FSTL5: variants seen among roughly 807,000 people sequenced by gnomAD.
The protein encoded by FSTL5 is follistatin-related protein 5.
Under a neutral mutation model 89.1 loss-of-function variants are expected in FSTL5, and 62 were observed. That is an observed-to-expected ratio of 0.70 (90% CI 0.57 to 0.86). The LOEUF is 0.86. Ranked by LOEUF, FSTL5 falls within the 40% of genes least tolerant of loss-of-function variation. The probability of loss-of-function intolerance (pLI) is 0.00; values close to 1 mark genes in which losing one functional copy is unlikely to be tolerated. For missense variants in FSTL5, 1,057 were observed against 1,001.6 expected, an observed-to-expected ratio of 1.06 and a Z score of -0.75; for synonymous variants, 383 against 346.2, an observed-to-expected ratio of 1.11 and a Z score of -1.18.
At chr4:161,616,214 G>A (rs1049028850) in intron 7 of FSTL5, among the ~76,000 whole-genome samples, 3 of 152,032 alleles carry the variant, frequency 2.0e-5, no homozygotes, top group Non-Finnish European at 1.5e-5. Context: ...AGCCTCCCAA[G>A]TAGCTGGGAA....
chr4:161,692,641 G>A (rs1372824705), intron 6 of FSTL5, among the ~76,000 whole-genome samples: 1 of 152,138 alleles, frequency 6.6e-6, no homozygotes, highest in East Asian at 1.9e-4. Flanking sequence ...AACCCTATGA[G>A]GAGGTATCAA....
intron 6 of FSTL5, among the ~76,000 whole-genome samples, chr4:161,658,649 A>G (rs1736602127): frequency 6.6e-6 from 1 of 152,220 alleles, no homozygotes; most frequent in African/African-American, 2.4e-5. Context: ...GTTAAAAATT[A>G]TTCAATTAAT....
chr4:162,066,914 G>A (rs925232634), intron 2 of FSTL5, among the ~76,000 whole-genome samples: 1 of 152,046 alleles, frequency 6.6e-6, no homozygotes, highest in Non-Finnish European at 1.5e-5. Context: ...TGTCTTTATA[G>A]TAGAATGAAT....
chr4:162,038,777 T>C (rs994498432), intron 2 of FSTL5, among the ~76,000 whole-genome samples: 1 of 151,858 alleles, frequency 6.6e-6, no homozygotes, highest in Non-Finnish European at 1.5e-5. Flanking sequence ...CAAACATAAT[T>C]TACCTATTTC....
chr4:162,011,164 G>A (rs1316562434), intron 3 of FSTL5, among the ~76,000 whole-genome samples: 5 of 152,146 alleles, frequency 3.3e-5, no homozygotes, highest in African/African-American at 4.8e-5. Flanking sequence ...ATGCCTGGAA[G>A]GTTGGGGGTT....
intron 4 of FSTL5, among the ~76,000 whole-genome samples, chr4:161,838,701 G>T (rs1731124317): frequency 6.6e-6 from 1 of 152,036 alleles, no homozygotes; most frequent in Admixed American, 6.6e-5. Context: ...AATATTAGGT[G>T]CCAAAATATA....
chr4:161,558,306 G>A (rs1356893393), intron 8 of FSTL5, among the ~76,000 whole-genome samples: 1 of 151,814 alleles, frequency 6.6e-6, no homozygotes, highest in African/African-American at 2.4e-5. Flanking sequence ...TTGTGGTGAT[G>A]AAACTCTTCT....
intron 2 of FSTL5, among the ~76,000 whole-genome samples, chr4:162,110,421 T>C (rs1450372682): frequency 6.6e-6 from 1 of 151,922 alleles, no homozygotes; most frequent in Non-Finnish European, 1.5e-5. Flanking sequence ...AGCAAAAATA[T>C]ATGCAGTGTA....
chr4:161,890,360 CT>C (rs1373467928), intron 4 of FSTL5, among the ~76,000 whole-genome samples: 2 of 152,002 alleles, frequency 1.3e-5, no homozygotes, highest in African/African-American at 4.8e-5. Flanking sequence ...CCTTTTTCCT[CT>C]ATTAATTATA....
chr4:161,586,252 A>T (rs1733613990), intron 8 of FSTL5, among the ~76,000 whole-genome samples: 1 of 152,174 alleles, frequency 6.6e-6, no homozygotes, highest in African/African-American at 2.4e-5. Context: ...CAATGTATAC[A>T]TATTGATATT....
chr4:161,437,585 A>G (rs2126358406), intron 15 of FSTL5, among the ~76,000 whole-genome samples: 1 of 146,936 alleles, frequency 6.8e-6, no homozygotes, highest in Middle Eastern at 3.5e-3. Context: ...AAAAAAAACG[A>G]GGTCAGAAAA....
intron 4 of FSTL5, among the ~76,000 whole-genome samples, chr4:161,822,674 C>A (rs1730528127): frequency 6.6e-6 from 1 of 152,204 alleles, no homozygotes; most frequent in Admixed American, 6.5e-5. Context: ...TACTTATCTT[C>A]TCTCATTGTC....
intron 6 of FSTL5, among the ~76,000 whole-genome samples, chr4:161,744,896 G>C (rs1217012256): frequency 6.6e-6 from 1 of 151,942 alleles, no homozygotes; most frequent in Admixed American, 6.6e-5. Context: ...TTCAGTAGCT[G>C]TCTATGCATT....
chr4:161,799,362 TTTTGAG>T (rs1434096808), intron 4 of FSTL5, among the ~76,000 whole-genome samples: 14 of 151,666 alleles, frequency 9.2e-5, no homozygotes, highest in African/African-American at 3.1e-4. Flanking sequence ...CTTACAACTG[TTTTGAG>T]TTTAATACTA....
chr4:161,925,790 G>C (rs1421662293), intron 3 of FSTL5, among the ~76,000 whole-genome samples: 1 of 129,850 alleles, frequency 7.7e-6, no homozygotes, highest in Non-Finnish European at 1.7e-5. Flanking sequence ...TACAGCTCTT[G>C]TTATTATTAT....
intron 7 of FSTL5, among the ~76,000 whole-genome samples, chr4:161,630,748 A>G (rs569988607): frequency 6.6e-6 from 1 of 152,308 alleles, no homozygotes; most frequent in South Asian, 2.1e-4. Flanking sequence ...TCCAACAGAA[A>G]ACCAATTAAC....
intron 3 of FSTL5, among the ~76,000 whole-genome samples, chr4:161,963,055 T>C (rs191952060): frequency 6.0e-4 from 91 of 152,036 alleles, no homozygotes; most frequent in African/African-American, 2.0e-3. Flanking sequence ...ACAACTAATA[T>C]AGGAAGTATA....
intron 6 of FSTL5, among the ~76,000 whole-genome samples, chr4:161,657,042 C>T (rs916590171): frequency 6.6e-6 from 1 of 152,136 alleles, no homozygotes; most frequent in South Asian, 2.1e-4. Context: ...TTTACCAGAT[C>T]GCACTGGTAT....
chr4:161,841,391 T>G, intron 4 of FSTL5, among the ~76,000 whole-genome samples: 1 of 152,196 alleles, frequency 6.6e-6, no homozygotes, highest in Non-Finnish European at 1.5e-5. Context: ...TAGTAGAATG[T>G]ATGCACCTTC....
Sources: allele counts gnomAD v4.1 joint callset (sites outside exome capture counted in the v4.1 genomes callset), GRCh38; gene constraint gnomAD v4.1.1; transcripts MANE v1.5; gene names NCBI Gene and HGNC (gene_info 2026-07-23, HGNC 2026-07-21).